The following EMC3 variants were observed in gnomAD, a reference collection of about 807,000 sequenced individuals.
EMC3 encodes 30 kDa protein.
EMC3 carries 13 observed loss-of-function variants against 36.6 expected under a neutral mutation model. That is an observed-to-expected ratio of 0.35 (90% CI 0.23 to 0.56). The LOEUF (loss-of-function observed/expected upper bound fraction) is 0.56, where lower values mean the gene tolerates loss of function less well. Among genes scored for constraint, EMC3 ranks in the 20% least tolerant of loss-of-function variants. The pLI is 0.84. For synonymous variants in EMC3, 120 were observed against 111.9 expected, an observed-to-expected ratio of 1.07 and a Z score of -0.46; for missense variants, 220 against 324.5, an observed-to-expected ratio of 0.68 and a Z score of 2.47.
intron 1 of EMC3, among the ~76,000 whole-genome samples, chr3:9,979,852 A>G (rs2085890331): frequency 6.6e-6 from 1 of 152,146 alleles, no homozygotes; most frequent in Non-Finnish European, 1.5e-5. Context: ...GTGCTGGTGT[A>G]AACAAAATGG....
At chr3:9,999,319 G>A (rs1206614385) in intron 1 of EMC3, among the ~76,000 whole-genome samples, 1 of 150,400 alleles carries the variant, frequency 6.6e-6, no homozygotes, top group Admixed American at 6.7e-5. Context: ...TCGACTCTCT[G>A]CAATCTCTAC....
At chr3:10,007,553 A>G (rs1346501164) in intron 1 of EMC3, 2 of 1,367,554 alleles carry the variant, frequency 1.5e-6, no homozygotes, top group East Asian at 9.1e-5. Context: ...GGCCTGACGT[A>G]GGAGTGCTTC....
At chr3:9,966,466 C>T (rs1266478010) in intron 7 of EMC3, among the ~76,000 whole-genome samples, 1 of 152,040 alleles carries the variant, frequency 6.6e-6, no homozygotes, top group Non-Finnish European at 1.5e-5. Context: ...TGTGATCCAC[C>T]CACCTCAGCC....
At chr3:9,998,903 C>T (rs578082342) in intron 1 of EMC3, among the ~76,000 whole-genome samples, 28 of 152,042 alleles carry the variant, frequency 1.8e-4, no homozygotes, top group Middle Eastern at 3.4e-3. Context: ...ACCACAGGTG[C>T]GCACCATGGT....
intron 1 of EMC3, chr3:10,006,482 C>A (rs1028696144): frequency 1.3e-5 from 2 of 152,734 alleles, no homozygotes; most frequent in African/African-American, 4.8e-5. Context: ...TGTATTCATT[C>A]ATGGGGTACA....
At chr3:9,996,077 C>T (rs2086120792) in intron 1 of EMC3, among the ~76,000 whole-genome samples, 1 of 152,138 alleles carries the variant, frequency 6.6e-6, no homozygotes, top group Non-Finnish European at 1.5e-5. Context: ...GTTCTGAGTG[C>T]AGTGGGGACA....
intron 1 of EMC3, chr3:10,008,718 G>T: frequency 2.9e-6 from 1 of 344,074 alleles, no homozygotes; most frequent in South Asian, 2.2e-5. Context: ...CACCCACATA[G>T]CCACTTCCCA....
rs931499618 is a variant in EMC3 at position 9,962,785 on chromosome 3, C to T, written c.*1284G>A. On this transcript the variant is annotated 3_prime_UTR_variant, in exon 8 of 8. Transcript: ENST00000245046. Reference sequence around the variant, plus strand: ...TCACCTCTTGGTACAGAAATGGCACCGTCACTTCCCTGGGACCTTTAATCC... The same window carrying T: ...TCACCTCTTGGTACAGAAATGGCACTGTCACTTCCCTGGGACCTTTAATCC... 1.3e-5 allele frequency: 2 copies of T among 152,414 alleles called. No homozygotes were observed. Among genetic ancestry groups the T allele is most frequent in the Admixed American group, 6.6e-5 (1 of 15,256 alleles). The allele number at this position is 152,414 out of a possible 1,614,324, so 9.4% of individuals were successfully genotyped here.
At chr3:9,981,134 C>T (rs530043627) in intron 1 of EMC3, among the ~76,000 whole-genome samples, 24 of 152,154 alleles carry the variant, frequency 1.6e-4, no homozygotes, top group Non-Finnish European at 3.1e-4. Flanking sequence ...CCCGGGAGAT[C>T]GAGGCTGAAG....
upstream of EMC3, among the ~76,000 whole-genome samples, chr3:9,989,754 T>C (rs2086023942): frequency 3.3e-5 from 5 of 152,268 alleles, no homozygotes; most frequent in South Asian, 1.0e-3. Flanking sequence ...TACGTATTTG[T>C]AATCATTTTA....
rs562089261 is a variant in EMC3 at position 9,986,777 on chromosome 3, C to T, written c.-116G>A. ...CTCAAGCCCCTTTGCCCGTGTACCC[C>T]AGAACTCTCCTGCGACTGTGAGCCG... On this transcript the variant is annotated 5_prime_UTR_variant, in exon 1 of 8. Transcript: ENST00000245046. 13 of 1,509,242 alleles carry T rather than the reference C, an allele frequency of 8.6e-6. No homozygotes were observed. The African/African-American group carries it at 9.8e-5, about 11-fold the overall frequency. 93.5% of individuals were successfully genotyped at this position (1,509,242 alleles called of 1,614,324 possible). A position where few individuals can be genotyped will look rare whatever the true frequency, so the allele number is the denominator to read the frequency against.
intron 7 of EMC3, among the ~76,000 whole-genome samples, chr3:9,965,104 T>TAA (rs56791107): frequency 9.3e-6 from 1 of 106,952 alleles, no homozygotes; most frequent in Non-Finnish European, 2.1e-5. Context: ...AAAAATAAAT[T>TAA]AAAAAAAAAA....
intron 3 of EMC3, among the ~76,000 whole-genome samples, chr3:9,976,168 G>T (rs769805089): frequency 6.6e-6 from 1 of 151,970 alleles, no homozygotes; most frequent in East Asian, 1.9e-4. Context: ...GTGCAGTGAC[G>T]TGACCTCAGC....
chr3:10,005,984 G>A (rs749577493), intron 1 of EMC3, among the ~76,000 whole-genome samples: 48 of 152,142 alleles, frequency 3.2e-4, no homozygotes, highest in Non-Finnish European at 7.4e-5. Context: ...TCAGCCTCCC[G>A]AAGAAAGCCA....
rs1420553264 is a variant in EMC3, at chr3:9,963,328, A to G, written c.*741T>C. On this transcript the variant is annotated 3_prime_UTR_variant, in exon 8 of 8. Coordinates refer to ENST00000245046, the MANE Select transcript of EMC3 (RefSeq NM_001394674.1). ...TAACAATACTAACAAAACTAATGGTAAAACACAGGGTGTTTGGATCCCAAG... is the reference window on the plus strand; with the variant it reads ...TAACAATACTAACAAAACTAATGGTGAAACACAGGGTGTTTGGATCCCAAG... 2 of 152,008 alleles carry G rather than the reference A, an allele frequency of 1.3e-5. No individual in the cohort carries two copies. The highest frequency in any genetic ancestry group is 2.4e-5 in the African/African-American group (1 of 41,402). The allele number at this position is 152,008 out of a possible 1,614,324, so 9.4% of individuals were successfully genotyped here. A position where few individuals can be genotyped will look rare whatever the true frequency, so the allele number is the denominator to read the frequency against.
chr3:9,979,007 T>A (rs994785543), intron 1 of EMC3, among the ~76,000 whole-genome samples: 3 of 152,212 alleles, frequency 2.0e-5, no homozygotes, highest in South Asian at 2.1e-4. Flanking sequence ...CTTTCCGAGT[T>A]CTACTCCATC....
chr3:9,997,686 C>T (rs932178256), intron 1 of EMC3, among the ~76,000 whole-genome samples: 36 of 152,024 alleles, frequency 2.4e-4, no homozygotes, highest in African/African-American at 8.4e-4. Context: ...TCTCAAACGG[C>T]TGACCTCAGG....
chr3:10,007,536 C>G (rs2086277589), intron 1 of EMC3: 1 of 1,367,552 alleles, frequency 7.3e-7, no homozygotes, highest in African/African-American at 1.5e-5. Flanking sequence ...AAGCGCTCCC[C>G]CTCAGAGGCC....
intron 4 of EMC3, 43 bp downstream of exon 4, chr3:9,974,341 A>G: frequency 7.3e-7 from 1 of 1,373,248 alleles, no homozygotes; most frequent in Non-Finnish European, 1.0e-6. Context: ...CTAGCACTTG[A>G]ATTTCTCTGG....
Sources: gnomAD v4.1 joint callset for allele counts (sites outside exome capture counted in the v4.1 genomes callset) on GRCh38, gnomAD v4.1.1 for gene constraint, MANE v1.5 for transcripts, NCBI Gene and HGNC (gene_info 2026-07-23, HGNC 2026-07-21) for gene names.